The following PIBF1 variants were observed in gnomAD, a reference collection of about 807,000 sequenced individuals.
The protein encoded by PIBF1 is progesterone-induced-blocking factor 1.
Under a neutral mutation model 112.5 loss-of-function variants are expected in PIBF1, and 90 were observed. That is an observed-to-expected ratio of 0.80 (90% CI 0.67 to 0.95). PIBF1 has a LOEUF of 0.95. Ranked by LOEUF, PIBF1 falls within the 40% of genes least tolerant of loss-of-function variation. The pLI is 0.00. For synonymous variants in PIBF1, 301 were observed against 288.6 expected (o/e 1.04, Z -0.44); for missense variants, 915 against 852.3 (o/e 1.07, Z -0.92).
intron 14 of PIBF1, among the ~76,000 whole-genome samples, chr13:72,943,229 G>A (rs1242705645): frequency 6.6e-6 from 1 of 152,106 alleles, no homozygotes; most frequent in Non-Finnish European, 1.5e-5. Context: ...AATGAAGAGA[G>A]GGTGGTTAAT....
intron 14 of PIBF1, among the ~76,000 whole-genome samples, chr13:72,950,228 A>T (rs1005535089): frequency 5.9e-5 from 9 of 152,188 alleles, no homozygotes; most frequent in Non-Finnish European, 1.3e-4. Context: ...TATTCCTCCG[A>T]ATTATTTATA....
intron 12 of PIBF1, 55 bp from the exon 13 acceptor site, chr13:72,917,021 C>G: frequency 8.5e-7 from 1 of 1,176,062 alleles, no homozygotes; most frequent in Non-Finnish European, 1.2e-6. Flanking sequence ...CTTCTGCCAT[C>G]TTTTTTAAAG....
chr13:72,950,061 A>C (rs2042256065), intron 14 of PIBF1, among the ~76,000 whole-genome samples: 1 of 152,208 alleles, frequency 6.6e-6, no homozygotes, highest in African/African-American at 2.4e-5. Context: ...ATTTTGAATT[A>C]ATACTGCGTA....
At chr13:72,810,721 T>A (rs1381106898) in intron 5 of PIBF1, among the ~76,000 whole-genome samples, 20 of 152,352 alleles carry the variant, frequency 1.3e-4, no homozygotes, top group Non-Finnish European at 1.5e-5. Flanking sequence ...TATCCTAGAA[T>A]GCTTAACAAA....
intron 14 of PIBF1, among the ~76,000 whole-genome samples, chr13:72,954,997 G>A (rs1250781736): frequency 6.6e-6 from 1 of 152,204 alleles, no homozygotes; most frequent in Non-Finnish European, 1.5e-5. Flanking sequence ...AGGATTGGAG[G>A]AAACAGAGCA....
intron 16 of PIBF1, among the ~76,000 whole-genome samples, chr13:72,992,542 G>A (rs1346387783): frequency 6.6e-6 from 1 of 152,060 alleles, no homozygotes; most frequent in Non-Finnish European, 1.5e-5. Context: ...AAGATGAATA[G>A]CCCCACTTTG....
At chr13:72,841,553 T>C (rs1168582177) in intron 9 of PIBF1, among the ~76,000 whole-genome samples, 1 of 152,108 alleles carries the variant, frequency 6.6e-6, no homozygotes, top group African/African-American at 2.4e-5. Flanking sequence ...GATGGATTGC[T>C]TAAGTCTAGG....
rs143301488 is a variant in PIBF1 at position 72,809,957 on chromosome 13, G to A, written c.673-11892G>A. Reference sequence around the variant, plus strand: ...AGTGGCAGTTTTAGTGGATTTCTGGGATTTCCTTTTGTAATTTTTTCCAGA... The same window carrying A: ...AGTGGCAGTTTTAGTGGATTTCTGGAATTTCCTTTTGTAATTTTTTCCAGA... On this transcript the variant is annotated intron_variant, in intron 5 of 17. Transcript: ENST00000326291. Among the ~76,000 whole-genome samples, 1,295 of 152,168 alleles carry A rather than the reference G, an allele frequency of 8.5e-3. 64 individuals are homozygous for A. The highest frequency in any genetic ancestry group is 9.6e-3 in the East Asian group (50 of 5,184).
intron 15 of PIBF1, among the ~76,000 whole-genome samples, chr13:72,972,061 G>A (rs929160582): frequency 6.8e-6 from 1 of 146,398 alleles, no homozygotes; most frequent in African/African-American, 2.6e-5. Flanking sequence ...TTTTGAGAGA[G>A]CCTCACTCTG....
rs34333031 is a variant in PIBF1, at chr13:72,944,446, TAA to T, written c.1833+13191_1833+13192del. On this transcript the variant is annotated intron_variant, in intron 14 of 17. Coordinates refer to ENST00000326291, the MANE Select transcript of PIBF1 (RefSeq NM_006346.4). ...GCCTAGGTGACAGAGCAAGACTGTC[TAA>T]AAAAAAAAAAAGAAGAAAAAGAAGT... 4.9e-5 allele frequency among the ~76,000 whole-genome samples: 7 copies of T among 141,692 alleles called. No individual in the cohort carries two copies. The South Asian group carries it at 1.6e-3, about 32-fold the overall frequency. 93.0% of individuals were successfully genotyped at this position (141,692 alleles called of 152,430 possible).
chr13:72,865,686 C>T (rs1036745368), intron 10 of PIBF1, among the ~76,000 whole-genome samples: 2 of 152,138 alleles, frequency 1.3e-5, no homozygotes, highest in Non-Finnish European at 2.9e-5. Flanking sequence ...ATGGCTTGTC[C>T]TCAGTTACAC....
intron 16 of PIBF1, among the ~76,000 whole-genome samples, chr13:72,976,443 G>A (rs1014002260): frequency 6.6e-6 from 1 of 152,134 alleles, no homozygotes; most frequent in Admixed American, 6.6e-5. Flanking sequence ...ACTGGTATTT[G>A]TATGGATGCA....
intron 10 of PIBF1, among the ~76,000 whole-genome samples, chr13:72,890,387 A>G (rs1028791282): frequency 6.6e-6 from 1 of 152,080 alleles, no homozygotes; most frequent in Non-Finnish European, 1.5e-5. Flanking sequence ...TTCTCCCTGT[A>G]CTTCCAAACC....
intron 8 of PIBF1, among the ~76,000 whole-genome samples, chr13:72,833,961 T>G (rs1457141134): frequency 2.0e-5 from 3 of 152,208 alleles, no homozygotes; most frequent in African/African-American, 7.2e-5. Context: ...ACACTGTGGT[T>G]TTTTTCAGCA....
chr13:72,786,862 T>G (rs151330378), intron 2 of PIBF1, among the ~76,000 whole-genome samples: 3,711 of 152,308 alleles, frequency 0.024, 78 homozygotes, highest in Non-Finnish European at 0.035. Flanking sequence ...AAGAAATACC[T>G]ATTGTAGAGT....
intron 13 of PIBF1, among the ~76,000 whole-genome samples, chr13:72,928,018 T>C (rs9600043): frequency 4.1e-4 from 25 of 61,084 alleles, no homozygotes; most frequent in African/African-American, 1.5e-3. Context: ...TATATATACA[T>C]ATATATACAT....
intron 12 of PIBF1, among the ~76,000 whole-genome samples, chr13:72,914,229 A>G (rs1049791036): frequency 6.6e-6 from 1 of 152,234 alleles, no homozygotes; most frequent in Non-Finnish European, 1.5e-5. Context: ...AGGTGTAACC[A>G]TAGCAAATTA....
chr13:72,895,867 C>A (rs1465422717), intron 11 of PIBF1, among the ~76,000 whole-genome samples: 1 of 152,106 alleles, frequency 6.6e-6, no homozygotes, highest in Non-Finnish European at 1.5e-5. Flanking sequence ...GGTGGAAAGC[C>A]TCGGGCAAGT....
chr13:72,972,429 C>T (rs943709753), intron 15 of PIBF1, among the ~76,000 whole-genome samples: 7 of 152,080 alleles, frequency 4.6e-5, no homozygotes, highest in Admixed American at 1.3e-4. Flanking sequence ...TTCGGGAGGC[C>T]GAGGTGGGCA....
Sources: gnomAD v4.1 joint callset for allele counts (sites outside exome capture counted in the v4.1 genomes callset) on GRCh38, gnomAD v4.1.1 for gene constraint, MANE v1.5 for transcripts, NCBI Gene and HGNC (gene_info 2026-07-23, HGNC 2026-07-21) for gene names.